The following IFT43 variants were observed in gnomAD, a reference collection of about 807,000 sequenced individuals.
IFT43 encodes the protein intraflagellar transport protein 43 homolog.
Under a neutral mutation model 32.3 loss-of-function variants are expected in IFT43, and 33 were observed. That is an observed-to-expected ratio of 1.02 (90% CI 0.77 to 1.37). The LOEUF (loss-of-function observed/expected upper bound fraction) is 1.37, where lower values mean the gene tolerates loss of function less well. Among genes scored for constraint, IFT43 ranks in the 40% most tolerant of loss-of-function variants. The pLI, the probability that IFT43 is intolerant of heterozygous loss-of-function variation, is 0.00. For synonymous variants in IFT43, 93 were observed against 98.2 expected, an observed-to-expected ratio of 0.95 and a Z score of 0.31; for missense variants, 274 against 265.9, an observed-to-expected ratio of 1.03 and a Z score of -0.21.
At chr14:76,061,188 T>A (rs1408962530) in intron 5 of IFT43, among the ~76,000 whole-genome samples, 1 of 152,170 alleles carries the variant, frequency 6.6e-6, no homozygotes. Flanking sequence ...GCCTACATTG[T>A]TTCTGATGAG....
In IFT43 at chr14:76,083,451, T is replaced by G; in HGVS notation, c.508-7T>G. On this transcript the variant is annotated splice_region_variant and splice_polypyrimidine_tract_variant and intron_variant, in intron 8 of 8. Coordinates refer to ENST00000314067, the MANE Select transcript of IFT43 (RefSeq NM_001102564.3). ...TTTGTCTTACCCAGCGAAACCCTTC[T>G]TGGCAGGATGATGTCGGCTGGGACT... is the stretch of plus-strand genomic sequence containing the variant. 6.2e-7 allele frequency: 1 copy of G among 1,614,166 alleles called. No homozygotes were observed. Among genetic ancestry groups the G allele is most frequent in the Non-Finnish European group, 8.5e-7 (1 of 1,180,044 alleles).
At chr14:76,074,069 T>C (rs1236386695) in intron 5 of IFT43, among the ~76,000 whole-genome samples, 1 of 152,056 alleles carries the variant, frequency 6.6e-6, no homozygotes, top group Non-Finnish European at 1.5e-5. Flanking sequence ...AATAAATATA[T>C]ATAAGGAAAA....
chr14:76,045,780 G>A (rs1310327278), intron 3 of IFT43, among the ~76,000 whole-genome samples: 1 of 152,218 alleles, frequency 6.6e-6, no homozygotes, highest in African/African-American at 2.4e-5. Flanking sequence ...TTTTTTGGAG[G>A]TGAGGGAGAA....
At chr14:76,072,729 T>A (rs2140082408) in intron 5 of IFT43, among the ~76,000 whole-genome samples, 1 of 152,330 alleles carries the variant, frequency 6.6e-6, no homozygotes, top group East Asian at 1.9e-4. Context: ...CATTCAGCAC[T>A]GACAAAAGTA....
intron 3 of IFT43, among the ~76,000 whole-genome samples, chr14:76,035,628 C>G (rs1485708671): frequency 6.6e-6 from 1 of 152,244 alleles, no homozygotes; most frequent in Non-Finnish European, 1.5e-5. Context: ...CCAGAGGGCT[C>G]CTAGATCTGT....
chr14:76,000,313 G>A (rs1594806968), intron 2 of IFT43, among the ~76,000 whole-genome samples: 1 of 138,552 alleles, frequency 7.2e-6, no homozygotes. Flanking sequence ...TGCCCAAGCT[G>A]GAGTGCAGTG....
intron 5 of IFT43, among the ~76,000 whole-genome samples, chr14:76,077,595 G>GC (rs1242106999): frequency 1.3e-5 from 2 of 152,158 alleles, no homozygotes; most frequent in Non-Finnish European, 2.9e-5. Context: ...GGTAGTGAGG[G>GC]CTACCCTGTG....
intron 5 of IFT43, among the ~76,000 whole-genome samples, chr14:76,073,237 C>T (rs1459514578): frequency 2.0e-5 from 3 of 152,128 alleles, no homozygotes; most frequent in Non-Finnish European, 4.4e-5. Context: ...CTGTGCTTTC[C>T]TAAATAGAAG....
At chr14:76,045,204 G>C (rs1322894415) in intron 3 of IFT43, among the ~76,000 whole-genome samples, 1 of 152,084 alleles carries the variant, frequency 6.6e-6, no homozygotes, top group African/African-American at 2.4e-5. Flanking sequence ...CTCTTTTCAG[G>C]CTAGACAAAG....
At chr14:76,002,726 A>G (rs573029814) in intron 2 of IFT43, among the ~76,000 whole-genome samples, 1 of 152,244 alleles carries the variant, frequency 6.6e-6, no homozygotes, top group Non-Finnish European at 1.5e-5. Context: ...GAATGGTACA[A>G]GTTTTGAAAG....
intron 5 of IFT43, among the ~76,000 whole-genome samples, chr14:76,080,404 G>C (rs2037488177): frequency 6.6e-6 from 1 of 152,192 alleles, no homozygotes; most frequent in African/African-American, 2.4e-5. Flanking sequence ...GGAAGCCTGT[G>C]GGGAGTGAGA....
rs754486597 is a variant in IFT43, at chr14:76,058,676, T to G, written c.248+2T>G. On this transcript the variant is annotated splice_donor_variant, in intron 4 of 8. Coordinates refer to ENST00000314067, the MANE Select transcript of IFT43 (RefSeq NM_001102564.3). LOFTEE classifies it high-confidence loss of function. ...GAAGGCTTCTGAAGAAATAGAAGAG[T>G]ACGTTTCCAGTATTCTTATTCTTAT... 2 of 1,612,074 alleles carry G rather than the reference T, an allele frequency of 1.2e-6. No individual in the cohort carries two copies. Among genetic ancestry groups the G allele is most frequent in the South Asian group, 2.2e-5 (2 of 91,048 alleles).
chr14:76,022,887 G>A (rs773775122), intron 3 of IFT43, among the ~76,000 whole-genome samples: 4 of 152,166 alleles, frequency 2.6e-5, no homozygotes, highest in Admixed American at 6.5e-5. Context: ...TGAACTGTGC[G>A]GCATGTCCTC....
At chr14:76,015,186 G>A (rs1323297976) in intron 2 of IFT43, among the ~76,000 whole-genome samples, 1 of 152,202 alleles carries the variant, frequency 6.6e-6, no homozygotes, top group Admixed American at 6.5e-5. Flanking sequence ...GTATTTGTGT[G>A]TGCCCCTAAC....
intron 3 of IFT43, among the ~76,000 whole-genome samples, chr14:76,027,800 A>G (rs541796386): frequency 7.2e-5 from 11 of 152,008 alleles, no homozygotes; most frequent in Non-Finnish European, 1.3e-4. Context: ...TGGTTTAATA[A>G]TATTTAATAT....
intron 2 of IFT43, among the ~76,000 whole-genome samples, chr14:76,015,034 A>T (rs750605591): frequency 6.6e-6 from 1 of 152,220 alleles, no homozygotes; most frequent in Non-Finnish European, 1.5e-5. Flanking sequence ...TGGGACAGGG[A>T]TGACATCTTC....
At position 76,083,205 on chromosome 14, in the gene IFT43, C is replaced by T. The variant is rs760696938; in HGVS notation, c.445-22C>T. ...AAGCCCTCAAGGTGCTCAGCCTGAC[C>T]TTTTTTTGTTTGCATTCACAGGATG... On this transcript the variant is annotated intron_variant, in intron 7 of 8. Coordinates refer to ENST00000314067, the MANE Select transcript of IFT43 (RefSeq NM_001102564.3). 4 of 1,614,048 alleles carry T rather than the reference C, an allele frequency of 2.5e-6. No homozygotes were observed. In the South Asian group the frequency reaches 4.4e-5, roughly 18 times the overall value.
chr14:76,027,101 C>T lies in IFT43; in HGVS notation c.215+4707C>T, dbSNP rs1397925261. Among the ~76,000 whole-genome samples the T allele has an allele frequency of 4.6e-5, 7 of 151,980 alleles. 1 individual carries two copies. The highest frequency in any genetic ancestry group is 9.7e-5 in the African/African-American group (4 of 41,434). On this transcript the variant is annotated intron_variant, in intron 3 of 8. Transcript: ENST00000314067. The stretch of plus-strand genomic sequence containing the variant: ...TTTTGAAAGGTGGAGGGTGGGAGGT[C>T]GGAAAGGATCAGGAAAAATAACTAC...
chr14:76,050,547 C>A (rs765789032), intron 3 of IFT43, among the ~76,000 whole-genome samples: 1 of 152,036 alleles, frequency 6.6e-6, no homozygotes, highest in Non-Finnish European at 1.5e-5. Flanking sequence ...GTCTTAAACT[C>A]GTGGGCTGAA....
Sources: allele counts gnomAD v4.1 joint callset (sites outside exome capture counted in the v4.1 genomes callset), GRCh38; gene constraint gnomAD v4.1.1; transcripts MANE v1.5; gene names NCBI Gene and HGNC (gene_info 2026-07-23, HGNC 2026-07-21).